The following CHL1 variants were observed in gnomAD, a reference collection of about 807,000 sequenced individuals.
CHL1 encodes cell adhesion molecule L1 like.
CHL1 carries 96 observed loss-of-function variants against 141.9 expected under a neutral mutation model. The observed-to-expected ratio is 0.68, with a 90% CI of 0.57 to 0.80. The LOEUF (loss-of-function observed/expected upper bound fraction) is 0.80, where lower values mean the gene tolerates loss of function less well. CHL1 is among the 30% of genes least tolerant of loss of function. The pLI is 0.00. For synonymous variants in CHL1, 613 were observed against 502.2 expected, an observed-to-expected ratio of 1.22 and a Z score of -2.95; for missense variants, 1,820 against 1,457.2, an observed-to-expected ratio of 1.25 and a Z score of -4.05.
intron 2 of CHL1, chr3:248,371 T>C (rs1387557769): frequency 6.6e-6 from 1 of 152,104 alleles, no homozygotes; most frequent in African/African-American, 2.4e-5. Context: ...CAAAAGATTA[T>C]AGAATGAGCA....
chr3:391,286 C>A (rs1708208917), intron 22 of CHL1, 127 bp downstream of exon 22: 2 of 709,466 alleles, frequency 2.8e-6, no homozygotes, highest in Non-Finnish European at 4.8e-6. Context: ...GAGGCCAAGG[C>A]AGATGGATCA....
At chr3:232,881 A>T (rs887033533) in intron 1 of CHL1, among the ~76,000 whole-genome samples, 5 of 152,080 alleles carry the variant, frequency 3.3e-5, no homozygotes, top group African/African-American at 1.2e-4. Context: ...CTGTTACTCC[A>T]CTTCCTTTTC....
chr3:268,894 A>C (rs1013510423), intron 2 of CHL1, among the ~76,000 whole-genome samples: 1 of 152,208 alleles, frequency 6.6e-6, no homozygotes, highest in Non-Finnish European at 1.5e-5. Context: ...GAGCTCAATC[A>C]GATGGCAAAA....
In CHL1 at chr3:345,927, A is replaced by G. The variant is rs528966939; in HGVS notation, c.848+1218A>G. On this transcript the variant is annotated intron_variant, in intron 9 of 27. Transcript: ENST00000256509. Reference sequence around the variant, plus strand: ...AATATTTAATCATACAGGGTCTCCTATTTTTACCACTATCCTTCCGAACTT... The same window carrying G: ...AATATTTAATCATACAGGGTCTCCTGTTTTTACCACTATCCTTCCGAACTT... 2.1e-3 allele frequency among the ~76,000 whole-genome samples: 322 copies of G among 152,264 alleles called. 1 individual carries two copies. Among genetic ancestry groups the G allele is most frequent in the African/African-American group, 4.5e-3 (186 of 41,546 alleles).
Position 276,749 on chromosome 3 carries a change from C to T in CHL1, c.-95+32057C>T, listed in dbSNP as rs79021605. On this transcript the variant is annotated intron_variant, in intron 2 of 27. Coordinates refer to ENST00000256509, the MANE Select transcript of CHL1 (RefSeq NM_006614.4). ...CTAAAAATACAAAAAATTAGCTGGG[C>T]ATGCTGGCCGGCACCTGTAGTCCCA... Among the ~76,000 whole-genome samples the T allele has an allele frequency of 2.2e-3, 327 of 151,976 alleles. 5 individuals are homozygous for T. The highest frequency in any genetic ancestry group is 7.1e-3 in the African/African-American group (295 of 41,454).
chr3:222,518 T>C (rs1318579064), intron 1 of CHL1, among the ~76,000 whole-genome samples: 1 of 152,178 alleles, frequency 6.6e-6, no homozygotes, highest in Non-Finnish European at 1.5e-5. Flanking sequence ...CGGGGGTAGA[T>C]GGGAAATATA....
chr3:228,811 A>C (rs1173613362), intron 1 of CHL1, among the ~76,000 whole-genome samples: 2 of 152,214 alleles, frequency 1.3e-5, no homozygotes, highest in Non-Finnish European at 2.9e-5. Context: ...TTTAAACTCA[A>C]AATAGAATGT....
intron 2 of CHL1, among the ~76,000 whole-genome samples, chr3:284,531 T>G (rs2125310884): frequency 6.6e-6 from 1 of 152,332 alleles, no homozygotes; most frequent in African/African-American, 2.4e-5. Flanking sequence ...TGTAAAGGCG[T>G]TGTTTTATGA....
intron 19 of CHL1, among the ~76,000 whole-genome samples, chr3:386,180 C>T (rs1470650971): frequency 7.6e-6 from 1 of 132,220 alleles, no homozygotes; most frequent in African/African-American, 2.8e-5. Flanking sequence ...TTCCTATCTA[C>T]ATGATAATGG....
At chr3:269,682 T>A (rs1574916736) in intron 2 of CHL1, among the ~76,000 whole-genome samples, 1 of 152,198 alleles carries the variant, frequency 6.6e-6, no homozygotes. Context: ...TGCGCCACTA[T>A]GCCCAGCTAA....
chr3:371,072 A>G (rs1705567986), intron 15 of CHL1, among the ~76,000 whole-genome samples: 1 of 152,128 alleles, frequency 6.6e-6, no homozygotes, highest in Non-Finnish European at 1.5e-5. Context: ...AGAAGAATGT[A>G]TATTCTGTTG....
In CHL1 at chr3:364,009, G is replaced by T. The variant is rs1408477068; in HGVS notation, c.1585+626G>T. 1.3e-5 allele frequency: 2 copies of T among 152,004 alleles called. 1 individual carries two copies. The highest frequency in any genetic ancestry group is 3.9e-4 in the East Asian group (2 of 5,192). 9.4% of individuals were successfully genotyped at this position (152,004 alleles called of 1,614,324 possible). ...TTCTGTCGTGTCCATATCCCAGCCT[G>T]CTTCTCACTTCCACCTAGATAAGGG... On this transcript the variant is annotated intron_variant, in intron 14 of 27. Transcript: ENST00000256509.
At position 382,513 on chromosome 3, in the gene CHL1, G is replaced by A. The variant is rs551665784; in HGVS notation, c.2018G>A (p.Gly673Glu). Residue 673 changes from glycine to glutamate, a missense_variant, in exon 18 of 28, where the codon GGA becomes GAA. Transcript: ENST00000256509. ...VEFEGNKEEPGRWEELTRVQG... is the reference protein window; with the variant it reads ...VEFEGNKEEPERWEELTRVQG... ...TTTGAAGGAAACAAAGAAGAGCCTG[G>A]AAGGTGGGAGGAACTGACCAGAGTC... 108 of 1,613,936 alleles carry A rather than the reference G, an allele frequency of 6.7e-5. 3 individuals are homozygous for A. In the South Asian group the frequency reaches 1.2e-3, roughly 17 times the overall value.
chr3:213,460 A>C (rs770545689), intron 1 of CHL1: 1 of 152,220 alleles, frequency 6.6e-6, no homozygotes. Flanking sequence ...AAGATGAAAT[A>C]GATAGACTTT....
intron 11 of CHL1, 59 bp from the exon 12 acceptor site, chr3:360,225 G>T (rs1421680270): frequency 3.2e-6 from 5 of 1,564,702 alleles, no homozygotes; most frequent in South Asian, 1.1e-5. Context: ...TTAATAAATG[G>T]TGTATAAATA....
intron 1 of CHL1, among the ~76,000 whole-genome samples, chr3:212,024 T>C (rs1021074039): frequency 6.6e-6 from 1 of 152,202 alleles, no homozygotes; most frequent in African/African-American, 2.4e-5. Flanking sequence ...AAGTTACTTA[T>C]TCAGAAAATT....
intron 2 of CHL1, among the ~76,000 whole-genome samples, chr3:253,323 T>C (rs1419100265): frequency 6.6e-6 from 1 of 152,124 alleles, no homozygotes; most frequent in African/African-American, 2.4e-5. Flanking sequence ...AGTTAGGTTG[T>C]TTAGAGTTCT....
chr3:288,861 A>G (rs1697409794), intron 2 of CHL1, among the ~76,000 whole-genome samples: 1 of 152,140 alleles, frequency 6.6e-6, no homozygotes, highest in Non-Finnish European at 1.5e-5. Context: ...ACTGAAAAAT[A>G]TTTTCGATAA....
At chr3:281,963 T>G (rs1696701548) in intron 2 of CHL1, among the ~76,000 whole-genome samples, 1 of 152,258 alleles carries the variant, frequency 6.6e-6, no homozygotes, top group African/African-American at 2.4e-5. Flanking sequence ...AAAACTATTC[T>G]GCTAATCCTT....
Sources: gnomAD v4.1 joint callset for allele counts (sites outside exome capture counted in the v4.1 genomes callset) on GRCh38, gnomAD v4.1.1 for gene constraint, MANE v1.5 for transcripts, NCBI Gene and HGNC (gene_info 2026-07-23, HGNC 2026-07-21) for gene names.